The following UNC119 variants were observed in gnomAD, a reference collection of about 807,000 sequenced individuals.
The protein encoded by UNC119 is unc-119 lipid binding chaperone.
Under a neutral mutation model 22.6 loss-of-function variants are expected in UNC119, and 15 were observed. The observed-to-expected ratio is 0.66, with a 90% CI of 0.44 to 1.02. UNC119 has a LOEUF of 1.02. UNC119 is among the 50% of genes least tolerant of loss of function. The pLI, the probability that UNC119 is intolerant of heterozygous loss-of-function variation, is 0.00. For synonymous variants in UNC119, 138 were observed against 139.4 expected, an observed-to-expected ratio of 0.99 and a Z score of 0.07; for missense variants, 322 against 336.0, an observed-to-expected ratio of 0.96 and a Z score of 0.33.
chr17:28,552,381 C>T lies in UNC119; in HGVS notation c.177G>A (p.Pro59=). The part of the protein sequence containing the change: ...PRPGPLQRKQ[P]IGPEDVLGLQ... The stretch of plus-strand genomic sequence containing the variant: ...GCCCCAGCACGTCCTCCGGCCCGAT[C>T]GGCTGCTTCCTCTGCAGCGGCCCCG... The change falls in exon 1 of 5, where the codon CCG becomes CCA. Residue 59 remains proline, a synonymous_variant. Transcript: ENST00000335765. The T allele has an allele frequency of 6.5e-7, 1 of 1,549,004 alleles. No individual in the cohort carries two copies. Among genetic ancestry groups the T allele is most frequent in the Non-Finnish European group, 8.7e-7 (1 of 1,154,670 alleles).
Position 28,552,366 on chromosome 17 carries a change from G to A in UNC119, c.192C>T (p.Asp64=). ...LQRKQPIGPE[D]VLGLQRITGD... is the part of the protein sequence containing the mutation. The stretch of plus-strand genomic sequence containing the variant: ...CGGTGATCCGCTGCAGCCCCAGCAC[G>A]TCCTCCGGCCCGATCGGCTGCTTCC... The change falls in exon 1 of 5, where the codon GAC becomes GAT. Residue 64 remains aspartate (D), a synonymous_variant. Coordinates refer to ENST00000335765, the MANE Select transcript of UNC119 (RefSeq NM_005148.4). The A allele has an allele frequency of 6.5e-7, 1 of 1,542,784 alleles. No homozygotes were observed. Among genetic ancestry groups the A allele is most frequent in the Non-Finnish European group, 8.7e-7 (1 of 1,151,006 alleles).
chr17:28,548,156 C>G, intron 2 of UNC119, 55 bp from the exon 3 acceptor site: 3 of 1,542,760 alleles, frequency 1.9e-6, no homozygotes, highest in Non-Finnish European at 2.6e-6. Context: ...CCTTGTCCAC[C>G]CAGGGTTCTA....
At chr17:28,548,806 G>C in intron 1 of UNC119, 101 bp from the exon 2 acceptor site, 1 of 898,726 alleles carries the variant, frequency 1.1e-6, no homozygotes, top group East Asian at 2.4e-5. Flanking sequence ...TCTCATCCCT[G>C]GGATCACTGC....
intron 1 of UNC119, 179 bp downstream of exon 1, chr17:28,552,159 G>T: frequency 1.4e-6 from 1 of 705,684 alleles, no homozygotes; most frequent in Non-Finnish European, 2.6e-6. Context: ...CAAGGGAAGG[G>T]GGTACACAGA....
rs747066565 is a variant in UNC119, at chr17:28,547,786, G to A, written c.501C>T (p.Phe167=). The change falls in exon 4 of 5, where the codon TTC becomes TTT. Residue 167 remains phenylalanine (F), a synonymous_variant. Transcript: ENST00000335765. The part of the protein sequence containing the change: ...NNFRMIERHY[F]RNQLLKSFDF... Reference sequence around the variant, plus strand: ...CGAAGCTTTTGAGTAGCTGGTTGCGGAAGTAGTGCCTCTCGATCATGCGGA... The same window carrying A: ...CGAAGCTTTTGAGTAGCTGGTTGCGAAAGTAGTGCCTCTCGATCATGCGGA... 6.2e-7 allele frequency: 1 copy of A among 1,614,212 alleles called. No individual in the cohort carries two copies.
At chr17:28,548,531 G>A (rs1184293233) in intron 2 of UNC119, 61 bp downstream of exon 2, 1 of 1,417,856 alleles carries the variant, frequency 7.1e-7, no homozygotes, top group African/African-American at 1.4e-5. Flanking sequence ...AGGATTCCCT[G>A]GGCAGCCCAC....
chr17:28,548,566 A>G, intron 2 of UNC119, 26 bp downstream of exon 2: 2 of 1,600,650 alleles, frequency 1.2e-6, no homozygotes, highest in Non-Finnish European at 1.7e-6. Flanking sequence ...CTGCCTCCCC[A>G]TCAATGGCCC....
In UNC119 at chr17:28,552,400, G is replaced by T; in HGVS notation, c.158C>A (p.Pro53Gln). ...PDAGPGPRPGPLQRKQPIGPE... is the reference protein window; with the variant it reads ...PDAGPGPRPGQLQRKQPIGPE... ...CCCGATCGGCTGCTTCCTCTGCAGC[G>T]GCCCCGGCCTGGGCCCTGGGCCTGC... The change falls in exon 1 of 5, where the codon CCG (proline) becomes CAG (glutamine). Residue 53 changes from proline (P) to glutamine (Q), a missense_variant. Pro to Gln is a moderately conservative substitution (Grantham distance 76, BLOSUM62 -1). Coordinates refer to ENST00000335765, the MANE Select transcript of UNC119 (RefSeq NM_005148.4). 2 of 1,553,006 alleles carry T rather than the reference G, an allele frequency of 1.3e-6. No homozygotes were observed. Among genetic ancestry groups the T allele is most frequent in the Non-Finnish European group, 1.7e-6 (2 of 1,157,102 alleles).
chr17:28,546,794 A>C lies in UNC119; in HGVS notation c.*503T>G, dbSNP rs2070207523. The C allele has an allele frequency of 4.4e-6, 1 of 224,860 alleles. No homozygotes were observed. Among genetic ancestry groups the C allele is most frequent in the Non-Finnish European group, 9.1e-6 (1 of 109,780 alleles). The allele number at this position is 224,860 out of a possible 1,614,324, so 13.9% of individuals were successfully genotyped here. A position where few individuals can be genotyped will look rare whatever the true frequency, so the allele number is the denominator to read the frequency against. On this transcript the variant is annotated 3_prime_UTR_variant, in exon 5 of 5. Transcript: ENST00000335765. ...TGCAATCTCAGCCAGTCCCTCCCAC[A>C]CCTTAGGCAGTGTCTTGGCCCCTCA...
intron 1 of UNC119, chr17:28,552,135 G>T: frequency 8.4e-6 from 6 of 710,758 alleles, no homozygotes; most frequent in Non-Finnish European, 1.6e-5. Flanking sequence ...GAAGAAGGAG[G>T]CACAGAGAGA....
In UNC119 at chr17:28,548,631, C is replaced by T; in HGVS notation, c.295G>A (p.Gly99Ser). Residue 99 changes from glycine (G) to serine (S), a missense_variant, in exon 2 of 5, where the codon GGC (glycine) becomes AGC (serine). Transcript: ENST00000335765. ...TTCTTGATTTCAAAGAGGACAGTGC[C>T]TGAGTCCATGTCCCGAATCTTAAAC... ...VRFKIRDMDS[G>S]TVLFEIKKPP... is the part of the protein sequence containing the mutation. The T allele has an allele frequency of 6.2e-7, 1 of 1,614,220 alleles. No individual in the cohort carries two copies. The highest frequency in any genetic ancestry group is 1.1e-5 in the South Asian group (1 of 91,090).
chr17:28,547,720 G>A lies in UNC119; in HGVS notation c.567C>T (p.Thr189=). 1.2e-6 allele frequency: 2 copies of A among 1,614,250 alleles called. No homozygotes were observed. Among genetic ancestry groups the A allele is most frequent in the Non-Finnish European group, 1.7e-6 (2 of 1,180,040 alleles). The change falls in exon 4 of 5, where the codon ACC becomes ACT. Residue 189 remains threonine (T), a synonymous_variant. Coordinates refer to ENST00000335765, the MANE Select transcript of UNC119 (RefSeq NM_005148.4). ...GGGGGAAGTCGTAAATGTGCTCGCA[G>A]GTGTTCTTGCTGCTGGGGATGCAGA... ...FGFCIPSSKN[T]CEHIYDFPPL...
At chr17:28,548,163 T>A in intron 2 of UNC119, 62 bp from the exon 3 acceptor site, 1 of 1,516,550 alleles carries the variant, frequency 6.6e-7, no homozygotes, top group Non-Finnish European at 9.0e-7. Context: ...CACCCAGGGT[T>A]CTACCCTTGG....
Position 28,552,579 on chromosome 17 carries a change from G to A in UNC119, c.-22C>T, listed in dbSNP as rs762520183. 1 of 1,486,638 alleles carries A rather than the reference G, an allele frequency of 6.7e-7. No homozygotes were observed. Among genetic ancestry groups the A allele is most frequent in the Non-Finnish European group, 8.9e-7 (1 of 1,125,814 alleles). The allele number at this position is 1,486,638 out of a possible 1,614,324, so 92.1% of individuals were successfully genotyped here. ...TCATGGCCTTGCGGGGCCGAGGCTCGCCTGCTGCTGCCGCCGCTGCCTGCG... is the reference window on the plus strand; with the variant it reads ...TCATGGCCTTGCGGGGCCGAGGCTCACCTGCTGCTGCCGCCGCTGCCTGCG... On this transcript the variant is annotated 5_prime_UTR_variant, in exon 1 of 5. Coordinates refer to ENST00000335765, the MANE Select transcript of UNC119 (RefSeq NM_005148.4).
At chr17:28,548,514 T>G in intron 2 of UNC119, 78 bp downstream of exon 2, 2 of 1,244,872 alleles carry the variant, frequency 1.6e-6, no homozygotes, top group Non-Finnish European at 2.4e-6. Flanking sequence ...GACTCCTCTG[T>G]GGCCCAAGGA....
chr17:28,548,391 G>T lies in UNC119; in HGVS notation c.334+201C>A, dbSNP rs145478346. 1.4e-4 allele frequency among the ~76,000 whole-genome samples: 21 copies of T among 152,306 alleles called. No homozygotes were observed. The East Asian group carries it at 2.7e-3, about 20-fold the overall frequency. On this transcript the variant is annotated intron_variant, in intron 2 of 4. Transcript: ENST00000335765. Reference sequence around the variant, plus strand: ...AGGGCAGGTTGGCAGGGACCGAAGGGGTAGGGCTGACCTCGCAAGATGTCC... The same window carrying T: ...AGGGCAGGTTGGCAGGGACCGAAGGTGTAGGGCTGACCTCGCAAGATGTCC...
intron 1 of UNC119, chr17:28,551,593 T>G (rs1196269833): frequency 1.3e-5 from 2 of 153,026 alleles, no homozygotes; most frequent in Non-Finnish European, 2.9e-5. Flanking sequence ...AAAGACATGC[T>G]CAGAGAGGTG....
At position 28,552,431 on chromosome 17, in the gene UNC119, G is replaced by C; in HGVS notation, c.127C>G (p.Pro43Ala). Residue 43 changes from proline to alanine, a missense_variant, in exon 1 of 5, where the codon CCG becomes GCG. Pro to Ala is a conservative substitution (Grantham distance 27, BLOSUM62 -1). Coordinates refer to ENST00000335765, the MANE Select transcript of UNC119 (RefSeq NM_005148.4). ...AESESGSESE[P>A]DAGPGPRPGP... ...GGCCTGGGCCCTGGGCCTGCGTCCG[G>C]CTCCGACTCGGACCCAGATTCGGAT... The C allele has an allele frequency of 1.9e-6, 3 of 1,566,076 alleles. No homozygotes were observed. The highest frequency in any genetic ancestry group is 3.6e-4 in the Middle Eastern group (2 of 5,486).
At chr17:28,548,178 C>T in intron 2 of UNC119, 77 bp from the exon 3 acceptor site, 1 of 1,429,458 alleles carries the variant, frequency 7.0e-7, no homozygotes, top group Non-Finnish European at 9.5e-7. Flanking sequence ...CCTTGGGTCC[C>T]CATCTATCTG....
Sources: allele counts gnomAD v4.1 joint callset (sites outside exome capture counted in the v4.1 genomes callset), GRCh38; gene constraint gnomAD v4.1.1; transcripts MANE v1.5; gene names NCBI Gene and HGNC (gene_info 2026-07-23, HGNC 2026-07-21).